CLIP1: variants seen among roughly 807,000 people sequenced by gnomAD.
The protein encoded by CLIP1 is CAP-Gly domain-containing linker protein 1.
Under a neutral mutation model 161.6 loss-of-function variants are expected in CLIP1, and 66 were observed. That is an observed-to-expected ratio of 0.41 (90% CI 0.33 to 0.50). The LOEUF (loss-of-function observed/expected upper bound fraction) is 0.50, where lower values mean the gene tolerates loss of function less well. Among genes scored for constraint, CLIP1 ranks in the 20% least tolerant of loss-of-function variants. The pLI, the probability that CLIP1 is intolerant of heterozygous loss-of-function variation, is 0.27. For missense variants in CLIP1, 1,376 were observed against 1,702.0 expected (o/e 0.81, Z 3.37); for synonymous variants, 598 against 626.2 (o/e 0.96, Z 0.67).
At chr12:122,324,323 A>T (rs997891024) in intron 17 of CLIP1, 3 of 152,578 alleles carry the variant, frequency 2.0e-5, no homozygotes, top group African/African-American at 7.2e-5. Flanking sequence ...CAGACCCCTC[A>T]GCTCTTCTGA....
At chr12:122,288,654 C>T (rs1955959056) in intron 20 of CLIP1, 113 bp from the exon 21 acceptor site, 2 of 800,008 alleles carry the variant, frequency 2.5e-6, no homozygotes, top group Non-Finnish European at 4.0e-6. Flanking sequence ...ATTGGCTTTC[C>T]TCAACAGCAA....
intron 4 of CLIP1, 116 bp downstream of exon 4, chr12:122,363,867 A>G: frequency 1.4e-6 from 2 of 1,423,538 alleles, no homozygotes; most frequent in South Asian, 2.6e-5. Context: ...CTTAGGAAAT[A>G]AAAGTGCCAC....
intron 1 of CLIP1, among the ~76,000 whole-genome samples, chr12:122,387,698 C>T (rs1955388656): frequency 6.8e-6 from 1 of 146,342 alleles, no homozygotes; most frequent in Non-Finnish European, 1.5e-5. Context: ...CTCCTGGACT[C>T]AAGCCATCCT....
intron 24 of CLIP1, chr12:122,276,515 A>T: frequency 7.8e-7 from 1 of 1,279,588 alleles, no homozygotes; most frequent in Non-Finnish European, 1.0e-6. Flanking sequence ...GGAAGAGAAG[A>T]CACTGTTAGT....
intron 1 of CLIP1, among the ~76,000 whole-genome samples, chr12:122,405,318 C>A (rs149376009): frequency 6.6e-6 from 1 of 152,150 alleles, no homozygotes; most frequent in African/African-American, 2.4e-5. Context: ...TTCCAGGAGC[C>A]GTAACTCTAG....
chr12:122,333,282 CAAT>C, intron 14 of CLIP1, 139 bp from the exon 15 acceptor site: 1 of 646,524 alleles, frequency 1.5e-6, no homozygotes, highest in Non-Finnish European at 2.6e-6. Context: ...AGAAGGCACA[CAAT>C]AAGCAAGATA....
intron 7 of CLIP1, among the ~76,000 whole-genome samples, chr12:122,353,683 T>G (rs1593140304): frequency 6.6e-6 from 1 of 151,884 alleles, no homozygotes. Context: ...CAGACTGGAG[T>G]GCAGTGGCGC....
intron 20 of CLIP1, among the ~76,000 whole-genome samples, chr12:122,308,369 T>C (rs185068656): frequency 5.4e-4 from 82 of 152,350 alleles, no homozygotes; most frequent in African/African-American, 1.8e-3. Flanking sequence ...CAAGTCCCTG[T>C]GGACACACTG....
At chr12:122,368,192 T>C (rs1954261086) in intron 3 of CLIP1, among the ~76,000 whole-genome samples, 2 of 152,208 alleles carry the variant, frequency 1.3e-5, no homozygotes, top group Admixed American at 6.5e-5. Flanking sequence ...TTCTCATTTA[T>C]TTATTCAATA....
At chr12:122,274,321 A>G in intron 24 of CLIP1, 159 bp from the exon 25 acceptor site, 3 of 577,258 alleles carry the variant, frequency 5.2e-6, no homozygotes, top group Non-Finnish European at 9.2e-6. Context: ...CTCCCGGAGG[A>G]CAGGCATGCT....
rs1306894735 is a variant in CLIP1 at position 122,316,742 on chromosome 12, A to C, written c.3473+7T>G. On this transcript the variant is annotated splice_region_variant and intron_variant, in intron 19 of 25. Coordinates refer to ENST00000620786, the MANE Select transcript of CLIP1 (RefSeq NM_001247997.2). ...CCATATTTTTTTCTCAAAGGATAGAAACTTACATTTCTTTCCTAAATTCTT... is the reference window on the plus strand; with the variant it reads ...CCATATTTTTTTCTCAAAGGATAGACACTTACATTTCTTTCCTAAATTCTT... 1 of 1,476,622 alleles carries C rather than the reference A, an allele frequency of 6.8e-7. No homozygotes were observed. The highest frequency in any genetic ancestry group is 9.2e-7 in the Non-Finnish European group (1 of 1,082,616). The allele number at this position is 1,476,622 out of a possible 1,614,324, so 91.5% of individuals were successfully genotyped here. A position where few individuals can be genotyped will look rare whatever the true frequency, so the allele number is the denominator to read the frequency against.
At chr12:122,353,159 C>T (rs1953132050) in intron 7 of CLIP1, among the ~76,000 whole-genome samples, 1 of 152,182 alleles carries the variant, frequency 6.6e-6, no homozygotes, top group Non-Finnish European at 1.5e-5. Context: ...GCCTGAGCAA[C>T]ATGACGAGAC....
chr12:122,377,772 A>G lies in CLIP1; in HGVS notation c.274T>C (p.Leu92=), dbSNP rs377693180. 4 of 1,613,748 alleles carry G rather than the reference A, an allele frequency of 2.5e-6. No homozygotes were observed. Among genetic ancestry groups the G allele is most frequent in the Non-Finnish European group, 3.4e-6 (4 of 1,179,986 alleles). Residue 92 remains leucine (L), a synonymous_variant, in exon 3 of 26, where the codon TTA becomes CTA. Coordinates refer to ENST00000620786, the MANE Select transcript of CLIP1 (RefSeq NM_001247997.2). ...FAPGQWAGIV[L]DEPIGKNDGS... is the part of the protein sequence containing the mutation. Reference sequence around the variant, plus strand: ...TCGTTCTTGCCTATGGGTTCATCTAAAACAATTCCAGCCCACTGGCCTGGT... The same window carrying G: ...TCGTTCTTGCCTATGGGTTCATCTAGAACAATTCCAGCCCACTGGCCTGGT...
intron 1 of CLIP1, among the ~76,000 whole-genome samples, chr12:122,392,626 G>C (rs1315442021): frequency 6.6e-6 from 1 of 152,060 alleles, no homozygotes; most frequent in African/African-American, 2.4e-5. Context: ...AAGCCGGCTC[G>C]AGAATCACTC....
intron 17 of CLIP1, among the ~76,000 whole-genome samples, chr12:122,327,227 C>T (rs1390364552): frequency 6.6e-6 from 1 of 152,116 alleles, no homozygotes; most frequent in Non-Finnish European, 1.5e-5. Context: ...GGGAGGACTG[C>T]TTGAGCCCAG....
At chr12:122,416,523 T>C (rs1390805143) in intron 1 of CLIP1, among the ~76,000 whole-genome samples, 2 of 151,628 alleles carry the variant, frequency 1.3e-5, no homozygotes, top group Non-Finnish European at 2.9e-5. Flanking sequence ...ACTGGGGAGG[T>C]TGAGATGAGA....
intron 1 of CLIP1, among the ~76,000 whole-genome samples, chr12:122,415,531 G>T (rs1956719679): frequency 7.7e-6 from 1 of 130,258 alleles, no homozygotes; most frequent in Non-Finnish European, 1.6e-5. Context: ...ATTAAACATA[G>T]ATTTTGGCTA....
chr12:122,388,451 C>T (rs1399598508), intron 1 of CLIP1, among the ~76,000 whole-genome samples: 1 of 152,094 alleles, frequency 6.6e-6, no homozygotes, highest in African/African-American at 2.4e-5. Flanking sequence ...CATCTCCTGA[C>T]CTCATGATCT....
At chr12:122,287,156 A>G (rs1955892402) in intron 21 of CLIP1, among the ~76,000 whole-genome samples, 1 of 152,164 alleles carries the variant, frequency 6.6e-6, no homozygotes, top group Admixed American at 6.6e-5. Flanking sequence ...CTGGGGAGAC[A>G]CAGCAAGATC....
Sources: gnomAD v4.1 joint callset for allele counts (sites outside exome capture counted in the v4.1 genomes callset) on GRCh38, gnomAD v4.1.1 for gene constraint, MANE v1.5 for transcripts, NCBI Gene and HGNC (gene_info 2026-07-23, HGNC 2026-07-21) for gene names.